The following TTC27 variants were observed in gnomAD, a reference collection of about 807,000 sequenced individuals.
The protein encoded by TTC27 is tetratricopeptide repeat domain 27.
Under a neutral mutation model 115.9 loss-of-function variants are expected in TTC27, and 79 were observed. That is an observed-to-expected ratio of 0.68 (90% CI 0.57 to 0.82). TTC27 has a LOEUF of 0.82. Among genes scored for constraint, TTC27 ranks in the 40% least tolerant of loss-of-function variants. The pLI, the probability that TTC27 is intolerant of heterozygous loss-of-function variation, is 0.00. For missense variants in TTC27, 1,054 were observed against 993.1 expected, an observed-to-expected ratio of 1.06 and a Z score of -0.82; for synonymous variants, 401 against 356.0, an observed-to-expected ratio of 1.13 and a Z score of -1.42.
chr2:32,634,153 A>G, intron 3 of TTC27, 148 bp downstream of exon 3: 3 of 949,874 alleles, frequency 3.2e-6, no homozygotes, highest in African/African-American at 3.3e-5. Flanking sequence ...CATTGATCAG[A>G]TTTTCACAGA....
chr2:32,807,451 T>C (rs1240222376), intron 16 of TTC27, among the ~76,000 whole-genome samples: 1 of 152,168 alleles, frequency 6.6e-6, no homozygotes, highest in Non-Finnish European at 1.5e-5. Context: ...AAATGAGGCA[T>C]TATTTGTTGA....
chr2:32,682,491 T>C (rs1034602156), intron 9 of TTC27, among the ~76,000 whole-genome samples: 9 of 152,102 alleles, frequency 5.9e-5, no homozygotes, highest in African/African-American at 1.9e-4. Flanking sequence ...CTGCTTGGAA[T>C]TGGCCATAGA....
chr2:32,708,555 G>A lies in TTC27; in HGVS notation c.1233+5635G>A, dbSNP rs183237349. On this transcript the variant is annotated intron_variant, in intron 10 of 19. Transcript: ENST00000317907. ...GAACTCCTGACCTCATGATCCACCT[G>A]CCTCAGCCTCCCAAAGTGCTGGGAT... 2.7e-3 allele frequency among the ~76,000 whole-genome samples: 411 copies of A among 151,838 alleles called. 1 individual carries two copies. Among genetic ancestry groups the A allele is most frequent in the African/African-American group, 9.2e-3 (380 of 41,404 alleles).
intron 9 of TTC27, among the ~76,000 whole-genome samples, chr2:32,681,202 T>A (rs958012324): frequency 2.0e-5 from 3 of 152,126 alleles, no homozygotes; most frequent in African/African-American, 4.8e-5. Context: ...CCCGAGTAAA[T>A]CTTTAATTGG....
At chr2:32,663,160 C>T (rs780077919) in intron 5 of TTC27, among the ~76,000 whole-genome samples, 10 of 152,168 alleles carry the variant, frequency 6.6e-5, no homozygotes, top group Admixed American at 5.9e-4. Context: ...TCCCTGGCTT[C>T]AGGCCCCTTT....
intron 2 of TTC27, among the ~76,000 whole-genome samples, chr2:32,633,478 T>G (rs923424133): frequency 3.9e-5 from 6 of 152,120 alleles, no homozygotes; most frequent in Non-Finnish European, 5.9e-5. Context: ...AGTGCTATGA[T>G]CAAAGCTTAC....
At chr2:32,685,239 A>G (rs956780544) in intron 9 of TTC27, among the ~76,000 whole-genome samples, 40 of 152,210 alleles carry the variant, frequency 2.6e-4, no homozygotes, top group Middle Eastern at 6.8e-3. Flanking sequence ...CATGTTGGCC[A>G]GGCTGTTCTT....
In TTC27 at chr2:32,758,414, C is replaced by T; in HGVS notation, c.1575C>T (p.Arg525=). 6.2e-7 allele frequency: 1 copy of T among 1,614,222 alleles called. No individual in the cohort carries two copies. Among genetic ancestry groups the T allele is most frequent in the Non-Finnish European group, 8.5e-7 (1 of 1,180,054 alleles). The change falls in exon 13 of 20, where the codon CGC becomes CGT. Residue 525 remains arginine, a synonymous_variant. Coordinates refer to ENST00000317907, the MANE Select transcript of TTC27 (RefSeq NM_017735.5). The stretch of plus-strand genomic sequence containing the variant: ...AGGCCTGGGAGTTGTCCCGGTACCG[C>T]AGTGCTCGTGCTCAGCGCTCCAAAG... ...YDKAWELSRY[R]SARAQRSKAL... is the part of the protein sequence containing the mutation.
intron 12 of TTC27, among the ~76,000 whole-genome samples, chr2:32,740,023 A>C (rs1668575898): frequency 6.6e-6 from 1 of 152,246 alleles, no homozygotes; most frequent in African/African-American, 2.4e-5. Context: ...AACTACCGGC[A>C]TACATTCTTG....
intron 8 of TTC27, among the ~76,000 whole-genome samples, chr2:32,672,683 A>G (rs375994331): frequency 6.6e-6 from 1 of 152,230 alleles, no homozygotes. Context: ...CTATTTTGAG[A>G]TTTGAGGATA....
intron 15 of TTC27, 118 bp downstream of exon 15, chr2:32,782,796 G>A: frequency 5.8e-6 from 4 of 691,610 alleles, no homozygotes; most frequent in South Asian, 5.4e-5. Flanking sequence ...CCATGTATAT[G>A]AAATAGAATA....
intron 10 of TTC27, among the ~76,000 whole-genome samples, chr2:32,729,152 A>G (rs1279436123): frequency 6.6e-6 from 1 of 152,210 alleles, no homozygotes. Context: ...TGCTAGTGAG[A>G]ATGGATAGCT....
Position 32,689,030 on chromosome 2 carries a change from A to G in TTC27, c.1119+10108A>G, listed in dbSNP as rs977159940. On this transcript the variant is annotated intron_variant, in intron 9 of 19. Coordinates refer to ENST00000317907, the MANE Select transcript of TTC27 (RefSeq NM_017735.5). ...CTCTCATGAAATAATACTCAACAAT[A>G]AAAAGTTATGAAACACTGATAAATG... 3.3e-5 allele frequency among the ~76,000 whole-genome samples: 5 copies of G among 152,284 alleles called. 1 individual carries two copies. In the South Asian group the frequency reaches 8.3e-4, roughly 25 times the overall value.
At chr2:32,668,051 C>T (rs903825933) in intron 7 of TTC27, among the ~76,000 whole-genome samples, 3 of 151,510 alleles carry the variant, frequency 2.0e-5, no homozygotes, top group East Asian at 2.0e-4. Flanking sequence ...ATTAACCGGG[C>T]GTGGTGGCGG....
intron 14 of TTC27, among the ~76,000 whole-genome samples, chr2:32,778,185 A>T (rs1033320134): frequency 6.6e-6 from 1 of 152,178 alleles, no homozygotes; most frequent in Non-Finnish European, 1.5e-5. Flanking sequence ...TTTTGATAAA[A>T]CAATTTTCTT....
At chr2:32,679,738 A>T (rs1030613765) in intron 9 of TTC27, among the ~76,000 whole-genome samples, 2 of 152,214 alleles carry the variant, frequency 1.3e-5, no homozygotes, top group Non-Finnish European at 2.9e-5. Flanking sequence ...CATGCCTGTA[A>T]TCCCAGCACT....
At chr2:32,682,854 T>G (rs1287831130) in intron 9 of TTC27, among the ~76,000 whole-genome samples, 1 of 112,966 alleles carries the variant, frequency 8.9e-6, no homozygotes, top group Non-Finnish European at 1.8e-5. Flanking sequence ...GTTGTTTTTT[T>G]TTTTTTTTTT....
intron 16 of TTC27, among the ~76,000 whole-genome samples, chr2:32,808,681 A>G (rs768207953): frequency 9.9e-5 from 15 of 152,080 alleles, no homozygotes; most frequent in Non-Finnish European, 1.9e-4. Flanking sequence ...ACAGCTCTTC[A>G]TTTTTATTGG....
chr2:32,644,871 G>T (rs1312578780), intron 4 of TTC27, among the ~76,000 whole-genome samples: 159 of 40,614 alleles, frequency 3.9e-3, no homozygotes, highest in Admixed American at 5.8e-3. Flanking sequence ...CTTCCTTTCT[G>T]CTTTTTTTTT....
Sources: gnomAD v4.1 joint callset for allele counts (sites outside exome capture counted in the v4.1 genomes callset) on GRCh38, gnomAD v4.1.1 for gene constraint, MANE v1.5 for transcripts, NCBI Gene and HGNC (gene_info 2026-07-23, HGNC 2026-07-21) for gene names.